The following PCSK6 variants were observed in gnomAD, a reference collection of about 807,000 sequenced individuals.
The protein encoded by PCSK6 is paired basic amino acid cleaving enzyme 4.
PCSK6 carries 85 observed loss-of-function variants against 123.3 expected under a neutral mutation model. The observed-to-expected ratio is 0.69, with a 90% CI of 0.58 to 0.83. PCSK6 has a LOEUF of 0.83. Ranked by LOEUF, PCSK6 falls within the 40% of genes least tolerant of loss-of-function variation. PCSK6 has a pLI of 0.00. For missense variants in PCSK6, 1,191 were observed against 1,282.3 expected (o/e 0.93, Z 1.09); for synonymous variants, 508 against 516.0 (o/e 0.98, Z 0.21).
chr15:101,334,957 G>A (rs772367386), intron 13 of PCSK6, among the ~76,000 whole-genome samples: 1 of 151,986 alleles, frequency 6.6e-6, no homozygotes, highest in Non-Finnish European at 1.5e-5. Flanking sequence ...GTGTGTGTGT[G>A]TATGTGTGTA....
At chr15:101,453,610 G>C (rs2057094106) in intron 1 of PCSK6, among the ~76,000 whole-genome samples, 1 of 152,134 alleles carries the variant, frequency 6.6e-6, no homozygotes, top group African/African-American at 2.4e-5. Context: ...TTTAATAATG[G>C]CAACTCATTG....
At chr15:101,387,553 A>G (rs2042101461) in intron 9 of PCSK6, among the ~76,000 whole-genome samples, 1 of 152,206 alleles carries the variant, frequency 6.6e-6, no homozygotes, top group Non-Finnish European at 1.5e-5. Flanking sequence ...AACCGCATGG[A>G]AAATATGTCT....
intron 12 of PCSK6, 43 bp downstream of exon 12, chr15:101,370,292 C>A: frequency 6.9e-7 from 1 of 1,439,532 alleles, no homozygotes; most frequent in Non-Finnish European, 9.2e-7. Flanking sequence ...CAGGGTCAAT[C>A]TCAGTGAGCC....
chr15:101,432,146 T>G (rs1384999976), intron 2 of PCSK6, 46 bp from the exon 3 acceptor site: 2 of 1,489,518 alleles, frequency 1.3e-6, no homozygotes, highest in South Asian at 2.4e-5. Context: ...AATGATTTCT[T>G]GATTTTATGT....
In PCSK6 at chr15:101,304,297, A is replaced by G. The variant is rs560278997; in HGVS notation, c.*961T>C. ...CAACTGTGTCATGTAGGCTTGTAAT[A>G]TACACAGACACAGGAGTTTCCACCT... On this transcript the variant is annotated 3_prime_UTR_variant, in exon 22 of 22. Coordinates refer to ENST00000611716, the MANE Select transcript of PCSK6 (RefSeq NM_002570.5). 3 of 152,710 alleles carry G rather than the reference A, an allele frequency of 2.0e-5. No individual in the cohort carries two copies. In the South Asian group the frequency reaches 6.2e-4, roughly 32 times the overall value. 9.5% of individuals were successfully genotyped at this position (152,710 alleles called of 1,614,324 possible).
chr15:101,370,092 C>G (rs151181530), intron 12 of PCSK6, among the ~76,000 whole-genome samples: 226 of 152,352 alleles, frequency 1.5e-3, no homozygotes, highest in African/African-American at 5.3e-3. Flanking sequence ...TGTCACTTCT[C>G]TCTGAAAAGG....
At chr15:101,380,257 C>T (rs1448933135) in intron 11 of PCSK6, among the ~76,000 whole-genome samples, 3 of 152,218 alleles carry the variant, frequency 2.0e-5, no homozygotes, top group African/African-American at 7.2e-5. Flanking sequence ...CAACCACTCG[C>T]CACCTAGGCA....
chr15:101,407,772 C>A (rs572470689), intron 6 of PCSK6, among the ~76,000 whole-genome samples: 1 of 152,218 alleles, frequency 6.6e-6, no homozygotes, highest in South Asian at 2.1e-4. Flanking sequence ...GCCCCACATA[C>A]GGTACTGGGA....
intron 1 of PCSK6, among the ~76,000 whole-genome samples, chr15:101,463,425 GC>G (rs2057383129): frequency 6.6e-6 from 1 of 152,108 alleles, no homozygotes; most frequent in African/African-American, 2.4e-5. Flanking sequence ...GCCAAGCGTT[GC>G]AACAATTCTG....
chr15:101,407,539 C>T (rs930707556), intron 6 of PCSK6, among the ~76,000 whole-genome samples: 8 of 152,236 alleles, frequency 5.3e-5, no homozygotes, highest in Non-Finnish European at 8.8e-5. Flanking sequence ...GGCTCTCACA[C>T]ACCAGGTCAC....
intron 5 of PCSK6, 28 bp downstream of exon 5, chr15:101,429,959 G>A (rs779653300): frequency 3.8e-6 from 6 of 1,574,996 alleles, no homozygotes; most frequent in Middle Eastern, 3.3e-4. Context: ...GGGAAGAGAA[G>A]CCGGGGAGAT....
intron 8 of PCSK6, among the ~76,000 whole-genome samples, chr15:101,392,593 CTT>C (rs10525638): frequency 0.025 from 3,079 of 122,330 alleles, 75 homozygotes; most frequent in Middle Eastern, 0.07. Flanking sequence ...CTCCCTTCCT[CTT>C]TTTTTTTTTT....
intron 1 of PCSK6, among the ~76,000 whole-genome samples, chr15:101,482,792 CTGCTCCTGATTCT>C (rs1270597396): frequency 9.0e-5 from 9 of 100,154 alleles, no homozygotes; most frequent in Non-Finnish European, 1.8e-4. Context: ...GATTCTGAGT[CTGCTCCTGATTCT>C]GAGTCTGCCC....
intron 7 of PCSK6, among the ~76,000 whole-genome samples, chr15:101,395,600 T>C (rs1489785250): frequency 6.6e-6 from 1 of 152,174 alleles, no homozygotes; most frequent in Non-Finnish European, 1.5e-5. Flanking sequence ...ACGACTTTAT[T>C]TTCACTTCCC....
At chr15:101,484,705 C>T (rs1292413164) in intron 1 of PCSK6, among the ~76,000 whole-genome samples, 1 of 152,272 alleles carries the variant, frequency 6.6e-6, no homozygotes, top group East Asian at 1.9e-4. Flanking sequence ...TTGTGTGTTT[C>T]TTAACGTTTA....
At chr15:101,444,844 G>A (rs1201562014) in intron 1 of PCSK6, among the ~76,000 whole-genome samples, 1 of 152,138 alleles carries the variant, frequency 6.6e-6, no homozygotes, top group Non-Finnish European at 1.5e-5. Context: ...GGCCCAGGTG[G>A]AGACCTGGAG....
rs564715510 is a variant in PCSK6, at chr15:101,393,488, C to G, written c.997-64G>C. ...GAACCTCGTAGGGTGGGTCTCCCCC[C>G]GAACCTAGAGTCCCATCTCCCAAAT... On this transcript the variant is annotated intron_variant, in intron 7 of 21. Transcript: ENST00000611716. 4.7e-5 allele frequency: 61 copies of G among 1,303,302 alleles called. No homozygotes were observed. The South Asian group carries it at 7.5e-4, about 16-fold the overall frequency. The allele number at this position is 1,303,302 out of a possible 1,614,324, so 80.7% of individuals were successfully genotyped here. A position where few individuals can be genotyped will look rare whatever the true frequency, so the allele number is the denominator to read the frequency against.
At chr15:101,354,657 A>C (rs530736025) in intron 13 of PCSK6, among the ~76,000 whole-genome samples, 2 of 152,212 alleles carry the variant, frequency 1.3e-5, no homozygotes, top group East Asian at 3.9e-4. Flanking sequence ...GCTTTTAAAA[A>C]CTCTTCACGT....
At chr15:101,454,283 G>A (rs1241152983) in intron 1 of PCSK6, among the ~76,000 whole-genome samples, 1 of 152,136 alleles carries the variant, frequency 6.6e-6, no homozygotes, top group East Asian at 1.9e-4. Flanking sequence ...TCCTGTACCC[G>A]AAGATGTGAA....
Sources: allele counts gnomAD v4.1 joint callset (sites outside exome capture counted in the v4.1 genomes callset), GRCh38; gene constraint gnomAD v4.1.1; transcripts MANE v1.5; gene names NCBI Gene and HGNC (gene_info 2026-07-23, HGNC 2026-07-21).